CAPN9: variants seen among roughly 807,000 people sequenced by gnomAD.
CAPN9 encodes the protein calpain-9.
In CAPN9, 81 loss-of-function variants were observed where a neutral mutation model predicts 92.8. That is an observed-to-expected ratio of 0.87 (90% CI 0.73 to 1.05). CAPN9 has a LOEUF of 1.05. Among genes scored for constraint, CAPN9 ranks in the 50% least tolerant of loss-of-function variants. CAPN9 has a pLI of 0.00. For synonymous variants in CAPN9, 304 were observed against 328.0 expected, an observed-to-expected ratio of 0.93 and a Z score of 0.79; for missense variants, 848 against 866.2, an observed-to-expected ratio of 0.98 and a Z score of 0.26.
chr1:230,787,533 A>T lies in CAPN9; in HGVS notation c.1530A>T (p.Pro510=). Residue 510 remains proline (P), a synonymous_variant, in exon 13 of 20, where the codon CCA becomes CCT. Transcript: ENST00000271971. ...TGGCTGTTTTTTAGCCTCCAAAGCCAACTCCACCTGACCAGGAGACAGAGG... is the reference window on the plus strand; with the variant it reads ...TGGCTGTTTTTTAGCCTCCAAAGCCTACTCCACCTGACCAGGAGACAGAGG... ...VDIDLPEPPK[P]TPPDQETEEE... 1 of 1,614,090 alleles carries T rather than the reference A, an allele frequency of 6.2e-7. No homozygotes were observed. The highest frequency in any genetic ancestry group is 8.5e-7 in the Non-Finnish European group (1 of 1,179,952).
chr1:230,798,076 A>G lies in CAPN9; in HGVS notation c.1988-86A>G, dbSNP rs1008661668. The G allele has an allele frequency of 1.4e-5, 13 of 951,740 alleles. No homozygotes were observed. In the Admixed American group the frequency reaches 2.4e-4, roughly 17 times the overall value. The allele number at this position is 951,740 out of a possible 1,614,324, so 59.0% of individuals were successfully genotyped here. A position where few individuals can be genotyped will look rare whatever the true frequency, so the allele number is the denominator to read the frequency against. On this transcript the variant is annotated intron_variant, in intron 18 of 19. Transcript: ENST00000271971. Reference sequence around the variant, plus strand: ...ATGGAGCAGCTTCCCCACAGGCTCCACTGGAAGGCCCTTTGGTCGCTGGGA... The same window carrying G: ...ATGGAGCAGCTTCCCCACAGGCTCCGCTGGAAGGCCCTTTGGTCGCTGGGA...
chr1:230,755,195 TCCACGTGGC>T (rs1558083550), intron 1 of CAPN9, 133 bp from the exon 2 acceptor site: 11 of 651,516 alleles, frequency 1.7e-5, no homozygotes, highest in Non-Finnish European at 2.9e-5. Context: ...GCCTTTTACA[TCCACGTGGC>T]CCTCCTCAGG....
intron 11 of CAPN9, 138 bp downstream of exon 11, chr1:230,780,846 C>T: frequency 1.8e-6 from 1 of 551,732 alleles, no homozygotes; most frequent in Non-Finnish European, 3.1e-6. Context: ...AGGATGGTTT[C>T]TTTCTTTTCT....
Position 230,759,523 on chromosome 1 carries a change from C to A in CAPN9, c.295C>A (p.Leu99Ile). ...CTTCCATTTTGCAGGAGACTGCTGG[C>A]TATTAGCCGCCATCGCCTCCCTTAC... ...ICQGELGDCW[L>I]LAAIASLTLN... Residue 99 changes from leucine to isoleucine, a missense_variant, in exon 3 of 20, where the codon CTA (leucine) becomes ATA (isoleucine). By Grantham distance (5) the Leu-to-Ile change is conservative. Coordinates refer to ENST00000271971, the MANE Select transcript of CAPN9 (RefSeq NM_006615.3). 1 of 1,608,190 alleles carries A rather than the reference C, an allele frequency of 6.2e-7. No homozygotes were observed. Among genetic ancestry groups the A allele is most frequent in the Non-Finnish European group, 8.5e-7 (1 of 1,177,662 alleles).
intron 8 of CAPN9, 82 bp from the exon 9 acceptor site, chr1:230,778,891 G>T: frequency 8.1e-7 from 1 of 1,240,856 alleles, no homozygotes. Context: ...TAATGAATAA[G>T]TGAATGATTT....
chr1:230,775,412 C>T (rs1666689941), intron 8 of CAPN9, among the ~76,000 whole-genome samples: 1 of 152,182 alleles, frequency 6.6e-6, no homozygotes, highest in Non-Finnish European at 1.5e-5. Context: ...TCTGGACTTT[C>T]CCTTGGCCTG....
chr1:230,792,900 T>C lies in CAPN9; in HGVS notation c.1842T>C (p.Tyr614=). 6.2e-7 allele frequency: 1 copy of C among 1,614,028 alleles called. No homozygotes were observed. The highest frequency in any genetic ancestry group is 8.5e-7 in the Non-Finnish European group (1 of 1,179,896). The change falls in exon 17 of 20, where the codon TAT becomes TAC. Residue 614 remains tyrosine, a synonymous_variant. Transcript: ENST00000271971. ...ACAAGTCCGGCACCATGTCTACCTATGAACTACGGACTGCACTGAAAGCTG... is the reference window on the plus strand; with the variant it reads ...ACAAGTCCGGCACCATGTCTACCTACGAACTACGGACTGCACTGAAAGCTG... ...DADKSGTMST[Y]ELRTALKAAG...
At chr1:230,775,588 G>C (rs28359670) in intron 8 of CAPN9, among the ~76,000 whole-genome samples, 10 of 152,140 alleles carry the variant, frequency 6.6e-5, no homozygotes, top group Admixed American at 6.5e-4. Flanking sequence ...AACCAATCAA[G>C]TCTTGCCTGA....
chr1:230,784,010 T>G (rs1667404390), intron 11 of CAPN9, among the ~76,000 whole-genome samples: 1 of 152,176 alleles, frequency 6.6e-6, no homozygotes, highest in Non-Finnish European at 1.5e-5. Flanking sequence ...TTGGCTGAAT[T>G]GTGTCCATGC....
In CAPN9 at chr1:230,760,538, T is replaced by C. The variant is rs1207226171; in HGVS notation, c.402+908T>C. Among the ~76,000 whole-genome samples the C allele has an allele frequency of 2.0e-5, 3 of 152,176 alleles. No individual in the cohort carries two copies. In the East Asian group the frequency reaches 5.8e-4, roughly 29 times the overall value. On this transcript the variant is annotated intron_variant, in intron 3 of 19. Transcript: ENST00000271971. ...AGGTACTCTCAAGCCCTGTCACCAA[T>C]AGCACAGAAGTGTTTCAAAGGCAAA...
rs1667557629 is a variant in CAPN9 at position 230,786,006 on chromosome 1, G to A, written c.1507G>A (p.Asp503Asn). 9 of 1,614,036 alleles carry A rather than the reference G, an allele frequency of 5.6e-6. No homozygotes were observed. The highest frequency in any genetic ancestry group is 7.6e-6 in the Non-Finnish European group (9 of 1,179,896). ...TRDMDGNVDIDLPEPPKPTPP... is the reference protein window; with the variant it reads ...TRDMDGNVDINLPEPPKPTPP... Reference sequence around the variant, plus strand: ...GGATATGGATGGAAATGTAGACATTGACCTTCCTGAGGTGAGTCTTCTGAT... The same window carrying A: ...GGATATGGATGGAAATGTAGACATTAACCTTCCTGAGGTGAGTCTTCTGAT... Residue 503 changes from aspartate (D) to asparagine (N), a missense_variant, in exon 12 of 20, where the codon GAC becomes AAC. Transcript: ENST00000271971.
At chr1:230,760,993 A>G (rs1006053059) in intron 3 of CAPN9, among the ~76,000 whole-genome samples, 1 of 152,144 alleles carries the variant, frequency 6.6e-6, no homozygotes, top group Non-Finnish European at 1.5e-5. Context: ...CCCCTGACCC[A>G]GTCCTCTCAT....
Position 230,755,321 on chromosome 1 carries a change from ACT to A in CAPN9, c.214-12_214-11del, listed in dbSNP as rs1460014185. On this transcript the variant is annotated splice_polypyrimidine_tract_variant and intron_variant, in intron 1 of 19. Coordinates refer to ENST00000271971, the MANE Select transcript of CAPN9 (RefSeq NM_006615.3). Reference sequence around the variant, plus strand: ...GCATGGCAGGCCTCAGCCTAATAACACTCTCATTCCTCCAGGAAATCGTGAAA... The same window carrying A: ...GCATGGCAGGCCTCAGCCTAATAACACTCATTCCTCCAGGAAATCGTGAAA... 1 of 1,604,406 alleles carries A rather than the reference ACT, an allele frequency of 6.2e-7. No individual in the cohort carries two copies. The highest frequency in any genetic ancestry group is 1.3e-5 in the African/African-American group (1 of 74,374).
Position 230,769,242 on chromosome 1 carries a change from C to CA in CAPN9, c.769dup (p.Ser257LysfsTer6). 6.2e-7 allele frequency: 1 copy of CA among 1,613,896 alleles called. No individual in the cohort carries two copies. Among genetic ancestry groups the CA allele is most frequent in the Non-Finnish European group, 8.5e-7 (1 of 1,179,748 alleles). On this transcript the variant is annotated frameshift_variant, in exon 6 of 20. Transcript: ENST00000271971. LOFTEE classifies it high-confidence loss of function. ...TTGGTCTTATTAAGGGTCATGCCTACAGTGTAACGGGAATTGACCAGGTAG... is the reference window on the plus strand; with the variant it reads ...TTGGTCTTATTAAGGGTCATGCCTACAAGTGTAACGGGAATTGACCAGGTAG...
chr1:230,794,776 G>A (rs1294090262), intron 17 of CAPN9, among the ~76,000 whole-genome samples: 1 of 152,208 alleles, frequency 6.6e-6, no homozygotes, highest in Non-Finnish European at 1.5e-5. Flanking sequence ...GGGGAGGCTG[G>A]TGTAGGAATG....
chr1:230,747,458 T>A lies in CAPN9; in HGVS notation c.-39T>A. ...GCTCGCTTCTTCACTTTCTTTTCCA[T>A]CCACTGCCGGACCCAAGCCAGCCTT... is the stretch of plus-strand genomic sequence containing the variant. On this transcript the variant is annotated 5_prime_UTR_variant, in exon 1 of 20. Coordinates refer to ENST00000271971, the MANE Select transcript of CAPN9 (RefSeq NM_006615.3). 6.4e-7 allele frequency: 1 copy of A among 1,554,566 alleles called. No homozygotes were observed. Among genetic ancestry groups the A allele is most frequent in the Non-Finnish European group, 8.9e-7 (1 of 1,126,750 alleles).
chr1:230,800,343 A>G (rs1051644556), intron 19 of CAPN9, among the ~76,000 whole-genome samples: 2 of 152,198 alleles, frequency 1.3e-5, no homozygotes, highest in Admixed American at 1.3e-4. Context: ...ACCTTTATTT[A>G]TCATTTACTT....
intron 3 of CAPN9, 40 bp downstream of exon 3, chr1:230,759,670 G>C (rs1490382787): frequency 2.2e-6 from 3 of 1,350,982 alleles, no homozygotes; most frequent in Non-Finnish European, 3.1e-6. Context: ...ACCTCTCTGG[G>C]GCCCGGCATG....
chr1:230,787,707 C>A, intron 13 of CAPN9, 105 bp downstream of exon 13: 2 of 900,288 alleles, frequency 2.2e-6, no homozygotes, highest in Non-Finnish European at 3.7e-6. Flanking sequence ...CATCCTGAGG[C>A]ATGATGGAGC....
Sources: gnomAD v4.1 joint callset for allele counts (sites outside exome capture counted in the v4.1 genomes callset) on GRCh38, gnomAD v4.1.1 for gene constraint, MANE v1.5 for transcripts, NCBI Gene and HGNC (gene_info 2026-07-23, HGNC 2026-07-21) for gene names.